The following SH2D3C variants were observed in gnomAD, a reference collection of about 807,000 sequenced individuals.
The protein encoded by SH2D3C is SH2 domain-containing protein 3C.
Under a neutral mutation model 75.2 loss-of-function variants are expected in SH2D3C, and 25 were observed. That is an observed-to-expected ratio of 0.33 (90% confidence interval 0.24 to 0.46). The LOEUF (loss-of-function observed/expected upper bound fraction) is 0.46, where lower values mean the gene tolerates loss of function less well. Ranked by LOEUF, SH2D3C falls within the 20% of genes least tolerant of loss-of-function variation. The probability of loss-of-function intolerance (pLI) is 1.00; values close to 1 mark genes in which losing one functional copy is unlikely to be tolerated. For missense variants in SH2D3C, 933 were observed against 1,165.3 expected (o/e 0.80, Z 2.90); for synonymous variants, 450 against 473.7 (o/e 0.95, Z 0.65).
chr9:127,759,100 C>T (rs1429307302), intron 3 of SH2D3C, among the ~76,000 whole-genome samples: 1 of 152,256 alleles, frequency 6.6e-6, no homozygotes, highest in African/African-American at 2.4e-5. Context: ...CACAGTCAAA[C>T]ACAGGCTCAG....
chr9:127,773,928 A>G, intron 2 of SH2D3C, 62 bp downstream of exon 2: 2 of 1,031,842 alleles, frequency 1.9e-6, no homozygotes, highest in Non-Finnish European at 2.9e-6. Context: ...AAAAAAAAAA[A>G]AAAGAAAAAG....
intron 2 of SH2D3C, among the ~76,000 whole-genome samples, chr9:127,773,724 C>T (rs949574676): frequency 1.3e-5 from 2 of 151,942 alleles, no homozygotes; most frequent in African/African-American, 4.8e-5. Flanking sequence ...TCGAGGCCAG[C>T]CTGGACAACA....
Position 127,738,924 on chromosome 9 carries a change from G to A in SH2D3C, c.2408-3C>T. Reference sequence around the variant, plus strand: ...GAGCTCCGGCCGGGCCTGGAACCCTGCAGTGTTGGGGCATAGGGTCAGGGC... The same window carrying A: ...GAGCTCCGGCCGGGCCTGGAACCCTACAGTGTTGGGGCATAGGGTCAGGGC... On this transcript the variant is annotated splice_region_variant and splice_polypyrimidine_tract_variant and intron_variant, in intron 11 of 11. Coordinates refer to ENST00000314830, the MANE Select transcript of SH2D3C (RefSeq NM_170600.3). This position sits in a 1 kb window ranked among gnomAD's most constrained non-coding sequence, Gnocchi z 5.0. 1 of 1,568,588 alleles carries A rather than the reference G, an allele frequency of 6.4e-7. No individual in the cohort carries two copies. Among genetic ancestry groups the A allele is most frequent in the East Asian group, 2.3e-5 (1 of 43,088 alleles).
rs1267563689 is a variant in SH2D3C, at chr9:127,747,206, T to C, written c.1205A>G (p.Asp402Gly). 40 of 1,613,868 alleles carry C rather than the reference T, an allele frequency of 2.5e-5. No homozygotes were observed. Among genetic ancestry groups the C allele is most frequent in the Non-Finnish European group, 3.4e-5 (40 of 1,180,004 alleles). ...SCALSMDQIPDLHSPMSPISE... is the reference protein window; with the variant it reads ...SCALSMDQIPGLHSPMSPISE... ...GATGGGCGACATGGGTGAGTGCAGG[T>C]CTGGGATCTGGTCCATGCTGAGGGC... The change falls in exon 6 of 12, where the codon GAC becomes GGC. Residue 402 changes from aspartate (D) to glycine (G), a missense_variant. By Grantham distance (94) the Asp-to-Gly change is moderately conservative (BLOSUM62 -1). Transcript: ENST00000314830.
At chr9:127,752,380 G>A (rs1421337740) in intron 3 of SH2D3C, among the ~76,000 whole-genome samples, 2 of 152,124 alleles carry the variant, frequency 1.3e-5, no homozygotes, top group Non-Finnish European at 2.9e-5. Context: ...GCGAGGACAT[G>A]GGATGGTTCT....
At position 127,738,755 on chromosome 9, in the gene SH2D3C, G is replaced by A. The variant is rs764305091; in HGVS notation, c.2574C>T (p.Ser858=). ...GGAAATGTCCCTGGGGTCACAGCTC[G>A]CTGGAGCGGACAGCAGGTTCCAGCT... ...SHKLEPAVRS[S]EL is the part of the protein sequence containing the mutation. The change falls in exon 12 of 12, where the codon AGC becomes AGT. Residue 858 remains serine, a synonymous_variant. Coordinates refer to ENST00000314830, the MANE Select transcript of SH2D3C (RefSeq NM_170600.3). This position sits in a 1 kb window ranked among gnomAD's most constrained non-coding sequence, Gnocchi z 5.0. 15 of 1,600,682 alleles carry A rather than the reference G, an allele frequency of 9.4e-6. No homozygotes were observed. Among genetic ancestry groups the A allele is most frequent in the African/African-American group, 1.3e-5 (1 of 74,658 alleles).
chr9:127,763,999 G>C (rs374764724), intron 2 of SH2D3C, among the ~76,000 whole-genome samples: 2 of 152,254 alleles, frequency 1.3e-5, no homozygotes, highest in African/African-American at 2.4e-5. Context: ...CACTCTTCCC[G>C]GGTGAGGCAT....
rs1258474630 is a variant in SH2D3C at position 127,754,758 on chromosome 9, G to C, written c.556-3458C>G. ...GGGCCAGCGTACCAGGCGGAGGACC[G>C]GCAGGACGCCGGAGACCCCATCTCC... On this transcript the variant is annotated intron_variant, in intron 3 of 11. Transcript: ENST00000314830. The surrounding 1 kb of genome is among the most constrained non-coding windows in gnomAD (Gnocchi z 4.4). The C allele has an allele frequency of 2.1e-6, 1 of 465,372 alleles. No homozygotes were observed. The highest frequency in any genetic ancestry group is 7.1e-5 in the East Asian group (1 of 14,176). 28.8% of individuals were successfully genotyped at this position (465,372 alleles called of 1,614,324 possible). A position where few individuals can be genotyped will look rare whatever the true frequency, so the allele number is the denominator to read the frequency against.
intron 2 of SH2D3C, among the ~76,000 whole-genome samples, chr9:127,770,886 T>A (rs1468258373): frequency 6.6e-6 from 1 of 152,212 alleles, no homozygotes. Context: ...GCCAGGAAGC[T>A]GGGTTTAAAC....
chr9:127,742,223 T>TTTTGTTTG (rs113162363), intron 8 of SH2D3C, among the ~76,000 whole-genome samples: 2 of 151,986 alleles, frequency 1.3e-5, no homozygotes, highest in African/African-American at 2.4e-5. Flanking sequence ...TTTGTTTTGT[T>TTTTGTTTG]TTTGTTTGTT....
At chr9:127,755,299 AGCGGGGAGGCGGG>A in intron 3 of SH2D3C, 7 of 466,878 alleles carry the variant, frequency 1.5e-5, no homozygotes, top group Non-Finnish European at 1.9e-5. Flanking sequence ...TCGGGGGAGG[AGCGGGGAGGCGGG>A]GCGGGGAGAC....
At position 127,760,862 on chromosome 9, in the gene SH2D3C, CTT is replaced by C. The variant is rs534276504; in HGVS notation, c.555+747_555+748del. ...CATTGTTATTTCAAAACTGCATTTTCTTTTTTTTTCTTTTTTCCCGGGCTGGA... is the reference window on the plus strand; with the variant it reads ...CATTGTTATTTCAAAACTGCATTTTCTTTTTTTCTTTTTTCCCGGGCTGGA... On this transcript the variant is annotated intron_variant, in intron 3 of 11. Coordinates refer to ENST00000314830, the MANE Select transcript of SH2D3C (RefSeq NM_170600.3). 7.8e-3 allele frequency among the ~76,000 whole-genome samples: 1,186 copies of C among 151,362 alleles called. 6 individuals carry two copies. The highest frequency in any genetic ancestry group is 0.014 in the Middle Eastern group (4 of 294).
Position 127,752,532 on chromosome 9 carries a change from C to T in SH2D3C, c.556-1232G>A, listed in dbSNP as rs1316305185. 2.0e-5 allele frequency among the ~76,000 whole-genome samples: 3 copies of T among 152,084 alleles called. No individual in the cohort carries two copies. The East Asian group carries it at 5.8e-4, about 29-fold the overall frequency. Reference sequence around the variant, plus strand: ...GTGAGTCTCTCCCTGGGGCCCCTCGCTCCTGAGAGTCCGAAGGTCCTCCAG... The same window carrying T: ...GTGAGTCTCTCCCTGGGGCCCCTCGTTCCTGAGAGTCCGAAGGTCCTCCAG... On this transcript the variant is annotated intron_variant, in intron 3 of 11. Coordinates refer to ENST00000314830, the MANE Select transcript of SH2D3C (RefSeq NM_170600.3).
intron 2 of SH2D3C, chr9:127,762,140 G>A: frequency 8.7e-7 from 1 of 1,152,998 alleles, no homozygotes; most frequent in South Asian, 1.6e-5. Context: ...ACTTCCTAGG[G>A]TAGAGTGACC....
intron 1 of SH2D3C, among the ~76,000 whole-genome samples, chr9:127,777,699 C>T (rs1005658984): frequency 9.2e-5 from 14 of 152,092 alleles, no homozygotes; most frequent in Admixed American, 6.5e-4. Flanking sequence ...CTGCAGAGAT[C>T]GAGAGACGCG....
rs755569646 is a variant in SH2D3C, at chr9:127,778,583, A to C, written c.37+8T>G. On this transcript the variant is annotated splice_region_variant and intron_variant, in intron 1 of 11. Transcript: ENST00000314830. ...TGGAGGACAGTGCAGACGGCACCCC[A>C]CACTCACTGAACTTTTTGCTGGTCT... The C allele has an allele frequency of 6.2e-7, 1 of 1,609,284 alleles. No homozygotes were observed. The highest frequency in any genetic ancestry group is 8.5e-7 in the Non-Finnish European group (1 of 1,175,670).
chr9:127,749,788 C>A lies in SH2D3C; in HGVS notation c.685-123G>T. Reference sequence around the variant, plus strand: ...AAGACCAGACCCAGGGCATAGAGGACCCAATGAACAGAGACATCTGACATC... The same window carrying A: ...AAGACCAGACCCAGGGCATAGAGGAACCAATGAACAGAGACATCTGACATC... On this transcript the variant is annotated intron_variant, in intron 4 of 11. Coordinates refer to ENST00000314830, the MANE Select transcript of SH2D3C (RefSeq NM_170600.3). The surrounding 1 kb of genome is among the most constrained non-coding windows in gnomAD (Gnocchi z 5.9). 1.5e-6 allele frequency: 1 copy of A among 653,092 alleles called. No homozygotes were observed. The allele number at this position is 653,092 out of a possible 1,614,324, so 40.5% of individuals were successfully genotyped here.
In SH2D3C at chr9:127,749,018, C is replaced by T. The variant is rs7852016; in HGVS notation, c.1139+193G>A. ...CGAGTGGCAGAGCTGGGACTGCAAC[C>T]TGGGTCTGACTCCCTGCAAGCCCTG... is the stretch of plus-strand genomic sequence containing the variant. On this transcript the variant is annotated intron_variant, in intron 5 of 11. Transcript: ENST00000314830. The surrounding 1 kb of genome is among the most constrained non-coding windows in gnomAD (Gnocchi z 5.9). Among the ~76,000 whole-genome samples, 16,034 of 152,192 alleles carry T rather than the reference C, an allele frequency of 0.11. 1,564 individuals are homozygous for T. The highest frequency in any genetic ancestry group is 0.26 in the African/African-American group (10,749 of 41,472).
chr9:127,771,433 C>T (rs1328463283), intron 2 of SH2D3C: 4 of 1,238,356 alleles, frequency 3.2e-6, no homozygotes, highest in South Asian at 2.1e-5. Flanking sequence ...GGACGCTCTC[C>T]GCCTCGAACA....
Sources: gnomAD v4.1 joint callset for allele counts (sites outside exome capture counted in the v4.1 genomes callset) on GRCh38, gnomAD v4.1.1 for gene constraint, Gnocchi (gnomAD v3.1) non-coding constraint, MANE v1.5 for transcripts, NCBI Gene and HGNC (gene_info 2026-07-23, HGNC 2026-07-21) for gene names.